The following CBFA2T3 variants were observed in gnomAD, a reference collection of about 807,000 sequenced individuals.
CBFA2T3 encodes transcriptional corepressor CBFA2T3.
Under a neutral mutation model 58.6 loss-of-function variants are expected in CBFA2T3, and 31 were observed. That is an observed-to-expected ratio of 0.53 (90% CI 0.40 to 0.71). CBFA2T3 has a LOEUF of 0.71. CBFA2T3 is among the 30% of genes least tolerant of loss of function. The pLI is 0.00. For missense variants in CBFA2T3, 1,076 were observed against 963.1 expected (o/e 1.12, Z -1.55); for synonymous variants, 531 against 421.9 (o/e 1.26, Z -3.17).
chr16:88,965,255 T>C (rs1248420133), intron 1 of CBFA2T3, among the ~76,000 whole-genome samples: 2 of 152,242 alleles, frequency 1.3e-5, no homozygotes, highest in East Asian at 3.8e-4. Context: ...TGTTTTTCAG[T>C]GAGGACCAGT....
intron 1 of CBFA2T3, chr16:88,950,984 C>T (rs1368066810): frequency 1.4e-5 from 6 of 437,880 alleles, no homozygotes; most frequent in Middle Eastern, 3.3e-4. Context: ...AGTGTTGGCA[C>T]CTGTCTTCCG....
chr16:88,966,343 G>A (rs1972503156), intron 1 of CBFA2T3, among the ~76,000 whole-genome samples: 1 of 152,192 alleles, frequency 6.6e-6, no homozygotes, highest in African/African-American at 2.4e-5. Context: ...CCGGGGTAGG[G>A]GGGTGGCAGC....
At chr16:88,975,777 C>A (rs980495339) in intron 1 of CBFA2T3, among the ~76,000 whole-genome samples, 2 of 152,252 alleles carry the variant, frequency 1.3e-5, no homozygotes, top group Non-Finnish European at 2.9e-5. Context: ...CTCAGGCAGC[C>A]GCCGCCAGGA....
intron 8 of CBFA2T3, 164 bp from the exon 9 acceptor site, chr16:88,881,653 G>A (rs1316280100): frequency 1.5e-6 from 1 of 667,908 alleles, no homozygotes; most frequent in African/African-American, 1.8e-5. Context: ...GGCTTGCAAA[G>A]ATGGGTCCCT....
At chr16:88,880,115 G>C (rs142277106) in intron 10 of CBFA2T3, 5,149 of 156,014 alleles carry the variant, frequency 0.033, 121 homozygotes, top group Non-Finnish European at 0.054. Context: ...AGATGGGGTA[G>C]GCTCAGAGCA....
intron 1 of CBFA2T3, among the ~76,000 whole-genome samples, chr16:88,930,208 CAA>C (rs1401705179): frequency 6.7e-6 from 1 of 149,562 alleles, no homozygotes. Flanking sequence ...ATCATCCACG[CAA>C]AAGTCACCAA....
chr16:88,934,184 C>T (rs1264730865), intron 1 of CBFA2T3, among the ~76,000 whole-genome samples: 1 of 134,428 alleles, frequency 7.4e-6, no homozygotes, highest in African/African-American at 3.5e-5. Context: ...AGAAGGGCTG[C>T]CCCACGCCCC....
intron 1 of CBFA2T3, among the ~76,000 whole-genome samples, chr16:88,935,118 G>A (rs568441213): frequency 1.3e-5 from 2 of 152,218 alleles, no homozygotes; most frequent in Non-Finnish European, 2.9e-5. Flanking sequence ...GATACGTGGA[G>A]TCCAGCACCC....
chr16:88,935,513 G>A (rs1378176945), intron 1 of CBFA2T3, among the ~76,000 whole-genome samples: 1 of 152,230 alleles, frequency 6.6e-6, no homozygotes, highest in African/African-American at 2.4e-5. Context: ...CTCTGTAAAT[G>A]GGTCTGCAGG....
chr16:88,948,630 C>A (rs1457119948), intron 1 of CBFA2T3, among the ~76,000 whole-genome samples: 1 of 152,264 alleles, frequency 6.6e-6, no homozygotes, highest in African/African-American at 2.4e-5. Context: ...ACATCGGCAT[C>A]GCTGCTTTTG....
intron 11 of CBFA2T3, among the ~76,000 whole-genome samples, chr16:88,878,444 G>A (rs755593274): frequency 6.6e-6 from 1 of 152,242 alleles, no homozygotes; most frequent in Non-Finnish European, 1.5e-5. Flanking sequence ...GGGCTCCCCT[G>A]GAAAGGGTCT....
intron 1 of CBFA2T3, among the ~76,000 whole-genome samples, chr16:88,916,944 C>T (rs1052080239): frequency 2.0e-5 from 3 of 151,500 alleles, no homozygotes; most frequent in Non-Finnish European, 4.4e-5. Context: ...AGCACGGATT[C>T]TTTTAGAAAA....
intron 1 of CBFA2T3, among the ~76,000 whole-genome samples, chr16:88,903,840 T>C (rs1445904079): frequency 6.6e-6 from 1 of 152,152 alleles, no homozygotes; most frequent in Admixed American, 6.5e-5. Context: ...TCCAGGACAC[T>C]GGGGATGCCC....
intron 1 of CBFA2T3, among the ~76,000 whole-genome samples, chr16:88,933,807 T>C (rs1441581899): frequency 6.6e-6 from 1 of 152,120 alleles, no homozygotes; most frequent in Non-Finnish European, 1.5e-5. Context: ...AGTGGCCACT[T>C]CATGCCACGC....
intron 1 of CBFA2T3, among the ~76,000 whole-genome samples, chr16:88,915,408 AG>A (rs1294281227): frequency 2.1e-3 from 26 of 12,164 alleles, no homozygotes; most frequent in East Asian, 4.7e-3. Flanking sequence ...GGGAGCGTGG[AG>A]GGGGGAGCGT....
At position 88,886,111 on chromosome 16, in the gene CBFA2T3, A is replaced by G. The variant is rs1464230967; in HGVS notation, c.743T>C (p.Leu248Pro). The change falls in exon 6 of 12, where the codon CTG becomes CCG. Residue 248 changes from leucine (L) to proline (P), a missense_variant. Coordinates refer to ENST00000268679, the MANE Select transcript of CBFA2T3 (RefSeq NM_005187.6). ...ANLPLLQRELLHCARLAKQTP... is the reference protein window; with the variant it reads ...ANLPLLQRELPHCARLAKQTP... ...CTGCTTGGCCAGGCGTGCACAGTGCAGGAGCTCCCGCTGCAGCAAGGGCAG... is the reference window on the plus strand; with the variant it reads ...CTGCTTGGCCAGGCGTGCACAGTGCGGGAGCTCCCGCTGCAGCAAGGGCAG... The G allele has an allele frequency of 1.3e-6, 2 of 1,562,060 alleles. No homozygotes were observed. The highest frequency in any genetic ancestry group is 1.2e-5 in the South Asian group (1 of 85,762).
intron 1 of CBFA2T3, among the ~76,000 whole-genome samples, chr16:88,972,788 C>T (rs532709626): frequency 6.6e-6 from 1 of 152,316 alleles, no homozygotes; most frequent in South Asian, 2.1e-4. Context: ...CCCCCAACAC[C>T]ATGTGGTCAA....
chr16:88,910,577 C>T (rs969963875), intron 1 of CBFA2T3, among the ~76,000 whole-genome samples: 8 of 152,194 alleles, frequency 5.3e-5, no homozygotes, highest in Non-Finnish European at 1.2e-4. Context: ...CAGGCAGTGC[C>T]CTCCCACCTC....
chr16:88,923,099 A>G lies in CBFA2T3; in HGVS notation c.152-21443T>C, dbSNP rs1012664601. Among the ~76,000 whole-genome samples the G allele has an allele frequency of 4.6e-5, 7 of 152,206 alleles. 1 individual carries two copies. In the South Asian group the frequency reaches 6.2e-4, roughly 14 times the overall value. On this transcript the variant is annotated intron_variant, in intron 1 of 11. Coordinates refer to ENST00000268679, the MANE Select transcript of CBFA2T3 (RefSeq NM_005187.6). The stretch of plus-strand genomic sequence containing the variant: ...CCTCCAAATACCCCACGTCTCCCCA[A>G]TTCGCCAAATGTGGAGGGAGAGACG...
Sources: allele counts gnomAD v4.1 joint callset (sites outside exome capture counted in the v4.1 genomes callset), GRCh38; gene constraint gnomAD v4.1.1; transcripts MANE v1.5; gene names NCBI Gene and HGNC (gene_info 2026-07-23, HGNC 2026-07-21).